Variants in TOX2 observed in about 807,000 individuals in gnomAD.
The protein encoded by TOX2 is TOX high mobility group box family member 2, also known as granulosa cell HMG box 1.
In TOX2, 15 loss-of-function variants were observed where a neutral mutation model predicts 47.4. The ratio of observed to expected loss-of-function variants is 0.32; its 90% CI spans 0.21 to 0.49. The LOEUF (loss-of-function observed/expected upper bound fraction) is 0.49. Among genes scored for constraint, TOX2 ranks in the 20% least tolerant of loss-of-function variants. The pLI, the probability that TOX2 is intolerant of heterozygous loss-of-function variation, is 0.99. For synonymous variants in TOX2, 290 were observed against 296.6 expected (o/e 0.98, Z 0.23); for missense variants, 622 against 673.1 (o/e 0.92, Z 0.84).
At chr20:44,022,306 G>GTT (rs201634265) in intron 3 of TOX2, among the ~76,000 whole-genome samples, 1 of 151,264 alleles carries the variant, frequency 6.6e-6, no homozygotes, top group Non-Finnish European at 1.5e-5. Context: ...GAACTTTAGT[G>GTT]TTTTTTTTTG....
chr20:43,995,327 G>A (rs6093909), intron 2 of TOX2, among the ~76,000 whole-genome samples: 7,746 of 152,122 alleles, frequency 0.051, 384 homozygotes, highest in African/African-American at 0.12. Context: ...ACACAGACAA[G>A]CCTGACAAAA....
intron 1 of TOX2, among the ~76,000 whole-genome samples, chr20:43,956,528 T>C (rs2069671422): frequency 7.1e-6 from 1 of 141,458 alleles, no homozygotes; most frequent in African/African-American, 2.7e-5. Flanking sequence ...GCCACTGCAC[T>C]CCAGCCTGGG....
At chr20:44,066,369 A>AGCCCTG (rs1433692264) in intron 7 of TOX2, among the ~76,000 whole-genome samples, 2 of 152,168 alleles carry the variant, frequency 1.3e-5, no homozygotes, top group Non-Finnish European at 2.9e-5. Flanking sequence ...CCTCAGCCCT[A>AGCCCTG]GCCCTGGCCC....
intron 1 of TOX2, among the ~76,000 whole-genome samples, chr20:43,951,015 C>A (rs117017685): frequency 6.6e-6 from 1 of 152,096 alleles, no homozygotes; most frequent in East Asian, 2.0e-4. Flanking sequence ...CTCCAGGCCC[C>A]AGGGATGGGC....
chr20:44,046,711 CTAAAG>C (rs200388927), intron 3 of TOX2, among the ~76,000 whole-genome samples: 2,222 of 152,204 alleles, frequency 0.015, 22 homozygotes, highest in African/African-American at 0.021. Context: ...GATTTTACAC[CTAAAG>C]TAAAGTAGTC....
At chr20:44,040,219 C>A (rs2071309819) in intron 3 of TOX2, among the ~76,000 whole-genome samples, 3 of 152,212 alleles carry the variant, frequency 2.0e-5, no homozygotes, top group Non-Finnish European at 4.4e-5. Flanking sequence ...ATTTTAGAAT[C>A]ATCACGGGGA....
chr20:43,973,756 C>T (rs778355829), intron 2 of TOX2, among the ~76,000 whole-genome samples: 55 of 152,146 alleles, frequency 3.6e-4, no homozygotes, highest in Non-Finnish European at 3.7e-4. Context: ...TCTCTGGTGC[C>T]GCCTGCCTCT....
chr20:43,939,987 T>G (rs1336398836), intron 1 of TOX2, among the ~76,000 whole-genome samples: 1 of 152,122 alleles, frequency 6.6e-6, no homozygotes, highest in Non-Finnish European at 1.5e-5. Flanking sequence ...ACATTTTTCC[T>G]TAGGGAAAAT....
intron 1 of TOX2, among the ~76,000 whole-genome samples, chr20:43,960,736 T>C (rs1254706376): frequency 6.6e-6 from 1 of 152,140 alleles, no homozygotes; most frequent in African/African-American, 2.4e-5. Flanking sequence ...TTTTGAGGAG[T>C]GGCCTTGGGT....
chr20:44,058,688 G>A (rs1003621860), intron 5 of TOX2, among the ~76,000 whole-genome samples: 2 of 152,198 alleles, frequency 1.3e-5, no homozygotes, highest in African/African-American at 4.8e-5. Flanking sequence ...GATATCCATG[G>A]AGGAGAGACC....
intron 3 of TOX2, among the ~76,000 whole-genome samples, chr20:44,010,310 A>C (rs1330359105): frequency 6.6e-6 from 1 of 152,202 alleles, no homozygotes; most frequent in Non-Finnish European, 1.5e-5. Context: ...GGCTCTGTCC[A>C]AATAGGCACT....
At chr20:43,936,560 C>T (rs1355793901) in intron 1 of TOX2, among the ~76,000 whole-genome samples, 6 of 152,310 alleles carry the variant, frequency 3.9e-5, no homozygotes, top group East Asian at 3.9e-4. Flanking sequence ...CAGCCTCCCT[C>T]GTGCAGCTGG....
At chr20:43,931,206 A>G (rs1399332569) in intron 1 of TOX2, among the ~76,000 whole-genome samples, 1 of 152,114 alleles carries the variant, frequency 6.6e-6, no homozygotes, top group Non-Finnish European at 1.5e-5. Context: ...TGGTACAAAC[A>G]TGGCTTACTG....
intron 2 of TOX2, among the ~76,000 whole-genome samples, chr20:43,994,101 T>G (rs1245296788): frequency 6.6e-6 from 1 of 151,254 alleles, no homozygotes; most frequent in Non-Finnish European, 1.5e-5. Flanking sequence ...CAGTGAGCTG[T>G]GATCATGCCA....
intron 2 of TOX2, among the ~76,000 whole-genome samples, chr20:44,002,357 T>C (rs1467273000): frequency 6.6e-6 from 1 of 152,208 alleles, no homozygotes; most frequent in East Asian, 1.9e-4. Flanking sequence ...TTCTGTGTCC[T>C]TGGGGAAGTC....
intron 3 of TOX2, among the ~76,000 whole-genome samples, chr20:44,048,388 TTATA>T (rs11472862): frequency 1.2e-5 from 1 of 86,870 alleles, no homozygotes; most frequent in Admixed American, 1.2e-4. Flanking sequence ...TAAAATGAAT[TTATA>T]TATATATATA....
intron 2 of TOX2, among the ~76,000 whole-genome samples, chr20:44,004,685 C>G (rs1168963938): frequency 6.6e-6 from 1 of 152,232 alleles, no homozygotes; most frequent in African/African-American, 2.4e-5. Flanking sequence ...ACACACCCAG[C>G]TATCCCCGCT....
chr20:43,929,493 T>TC (rs58233672), intron 1 of TOX2, among the ~76,000 whole-genome samples: 16,693 of 151,902 alleles, frequency 0.11, 1,066 homozygotes, highest in East Asian at 0.23. Flanking sequence ...ATTTCTCAGA[T>TC]CCCCCCACCC....
intron 1 of TOX2, among the ~76,000 whole-genome samples, chr20:43,961,910 A>T (rs2069765303): frequency 6.6e-6 from 1 of 152,164 alleles, no homozygotes; most frequent in Non-Finnish European, 1.5e-5. Context: ...TCATCTCATT[A>T]CACCTTGACC....
Sources: gnomAD v4.1 joint callset for allele counts (sites outside exome capture counted in the v4.1 genomes callset) on GRCh38, gnomAD v4.1.1 for gene constraint, MANE v1.5 for transcripts, NCBI Gene and HGNC (gene_info 2026-07-23, HGNC 2026-07-21) for gene names.